NKAIN3: variants seen among roughly 807,000 people sequenced by gnomAD.
NKAIN3 encodes sodium/potassium transporting ATPase interacting 3, also known as sodium/potassium-transporting ATPase subunit beta-1-interacting protein 3.
Under a neutral mutation model 30.2 loss-of-function variants are expected in NKAIN3, and 25 were observed. The observed-to-expected ratio is 0.83, with a 90% CI of 0.60 to 1.16. The LOEUF is 1.16. Ranked by LOEUF, NKAIN3 falls within the 50% of genes most tolerant of loss-of-function variation. The pLI is 0.00. For missense variants in NKAIN3, 225 were observed against 254.1 expected (o/e 0.89, Z 0.78); for synonymous variants, 91 against 89.6 (o/e 1.02, Z -0.09).
chr8:62,820,244 G>A (rs1818809983), intron 4 of NKAIN3, among the ~76,000 whole-genome samples: 1 of 152,132 alleles, frequency 6.6e-6, no homozygotes, highest in African/African-American at 2.4e-5. Context: ...ATGGAGTATG[G>A]AATAAAGGAA....
intron 1 of NKAIN3, among the ~76,000 whole-genome samples, chr8:62,371,054 G>T (rs1173030732): frequency 1.3e-5 from 2 of 151,854 alleles, no homozygotes; most frequent in East Asian, 1.9e-4. Flanking sequence ...TTACCCTTCT[G>T]TTGCTTTATT....
chr8:62,614,070 A>C (rs940434343), intron 3 of NKAIN3, among the ~76,000 whole-genome samples: 14 of 152,030 alleles, frequency 9.2e-5, no homozygotes, highest in African/African-American at 2.7e-4. Context: ...GATGGTGTTG[A>C]TGCTAGTAGA....
At chr8:62,356,238 A>C (rs1381595724) in intron 1 of NKAIN3, among the ~76,000 whole-genome samples, 1 of 152,170 alleles carries the variant, frequency 6.6e-6, no homozygotes, top group Non-Finnish European at 1.5e-5. Flanking sequence ...CTAAGAGATG[A>C]TCCTCACCTG....
intron 4 of NKAIN3, among the ~76,000 whole-genome samples, chr8:62,811,537 T>C (rs1391772688): frequency 1.3e-5 from 2 of 152,062 alleles, no homozygotes; most frequent in Non-Finnish European, 2.9e-5. Context: ...CATTTTTCAT[T>C]ATTGTCATTA....
intron 4 of NKAIN3, chr8:62,863,159 T>C: frequency 6.6e-7 from 1 of 1,513,356 alleles, no homozygotes; most frequent in Non-Finnish European, 9.1e-7. Flanking sequence ...ATTATTTTCC[T>C]TTCGGCTTCT....
chr8:62,387,132 C>T (rs1001453875), intron 1 of NKAIN3, among the ~76,000 whole-genome samples: 1 of 152,022 alleles, frequency 6.6e-6, no homozygotes, highest in African/African-American at 2.4e-5. Context: ...TGTCATACAA[C>T]AGGAAATGGT....
chr8:62,406,164 C>T lies in NKAIN3; in HGVS notation c.54+157037C>T, dbSNP rs1049116070. On this transcript the variant is annotated intron_variant, in intron 1 of 6. Transcript: ENST00000623646. ...TAGTGTCTATCCTCAGTGCCTAACACGTGGCTGAGTACATACAAGGTATTC... is the reference window on the plus strand; with the variant it reads ...TAGTGTCTATCCTCAGTGCCTAACATGTGGCTGAGTACATACAAGGTATTC... Among the ~76,000 whole-genome samples, 9 of 152,162 alleles carry T rather than the reference C, an allele frequency of 5.9e-5. No individual in the cohort carries two copies. In the South Asian group the frequency reaches 1.0e-3, roughly 18 times the overall value.
intron 1 of NKAIN3, among the ~76,000 whole-genome samples, chr8:62,314,128 A>T (rs1312875576): frequency 1.3e-5 from 2 of 152,166 alleles, no homozygotes; most frequent in Non-Finnish European, 2.9e-5. Context: ...TCAGAATAAG[A>T]TCATATGTTT....
chr8:62,386,047 G>A lies in NKAIN3; in HGVS notation c.54+136920G>A, dbSNP rs189080488. Among the ~76,000 whole-genome samples, 71 of 152,256 alleles carry A rather than the reference G, an allele frequency of 4.7e-4. No individual in the cohort carries two copies. The East Asian group carries it at 8.1e-3, about 17-fold the overall frequency. On this transcript the variant is annotated intron_variant, in intron 1 of 6. Coordinates refer to ENST00000623646, the MANE Select transcript of NKAIN3 (RefSeq NM_001304533.3). ...ATGGTGGTCTCAGTGTTCTCAAAGCGCTGGGTACAAAAGTACTTGTGTACT... is the reference window on the plus strand; with the variant it reads ...ATGGTGGTCTCAGTGTTCTCAAAGCACTGGGTACAAAAGTACTTGTGTACT...
intron 2 of NKAIN3, among the ~76,000 whole-genome samples, chr8:62,586,340 T>C (rs1446459143): frequency 6.6e-6 from 1 of 152,234 alleles, no homozygotes; most frequent in East Asian, 1.9e-4. Flanking sequence ...TTTGTTTGCT[T>C]TCCTTTTGCC....
chr8:62,407,468 G>A (rs547054667), intron 1 of NKAIN3, among the ~76,000 whole-genome samples: 5 of 139,986 alleles, frequency 3.6e-5, no homozygotes, highest in South Asian at 2.3e-4. Context: ...CATGATGTCC[G>A]CTCACTGCAA....
At chr8:62,400,291 GC>G (rs994450208) in intron 1 of NKAIN3, among the ~76,000 whole-genome samples, 3 of 146,002 alleles carry the variant, frequency 2.1e-5, no homozygotes, top group Admixed American at 7.0e-5. Flanking sequence ...TCAGCCACCC[GC>G]CCCCCAGTAG....
In NKAIN3 at chr8:62,965,239, C is replaced by T; in HGVS notation, c.604-115C>T. 7 of 919,462 alleles carry T rather than the reference C, an allele frequency of 7.6e-6. No homozygotes were observed. The South Asian group carries it at 3.5e-4, about 46-fold the overall frequency. 57.0% of individuals were successfully genotyped at this position (919,462 alleles called of 1,614,324 possible). On this transcript the variant is annotated intron_variant, in intron 6 of 6. Coordinates refer to ENST00000623646, the MANE Select transcript of NKAIN3 (RefSeq NM_001304533.3). Reference sequence around the variant, plus strand: ...TAACTTTCTTATTGCTACAGTCAGACAGCACCAGGTGCACCCAGGAGCTAT... The same window carrying T: ...TAACTTTCTTATTGCTACAGTCAGATAGCACCAGGTGCACCCAGGAGCTAT...
chr8:62,707,529 A>C (rs996929873), intron 3 of NKAIN3, among the ~76,000 whole-genome samples: 1 of 152,044 alleles, frequency 6.6e-6, no homozygotes, highest in Non-Finnish European at 1.5e-5. Flanking sequence ...ATATCTTTTG[A>C]GAATTGTCTA....
chr8:62,619,012 T>A (rs1586015613), intron 3 of NKAIN3, among the ~76,000 whole-genome samples: 1 of 152,240 alleles, frequency 6.6e-6, no homozygotes, highest in South Asian at 2.1e-4. Flanking sequence ...TGCTGTTGGG[T>A]TAAGCATTCT....
intron 1 of NKAIN3, among the ~76,000 whole-genome samples, chr8:62,487,335 G>A (rs771650440): frequency 4.6e-5 from 7 of 152,146 alleles, no homozygotes; most frequent in Admixed American, 6.5e-5. Flanking sequence ...TCAGAATTAT[G>A]AGGTTCACTC....
At chr8:62,897,095 G>A (rs1376165146) in intron 4 of NKAIN3, among the ~76,000 whole-genome samples, 1 of 152,112 alleles carries the variant, frequency 6.6e-6, no homozygotes, top group Non-Finnish European at 1.5e-5. Flanking sequence ...AAACTCAATA[G>A]AGCAACAGAA....
rs564925333 is a variant in NKAIN3 at position 62,825,414 on chromosome 8, T to G, written c.471+78285T>G. 1.2e-4 allele frequency among the ~76,000 whole-genome samples: 18 copies of G among 152,346 alleles called. No homozygotes were observed. In the South Asian group the frequency reaches 3.5e-3, roughly 30 times the overall value. On this transcript the variant is annotated intron_variant, in intron 4 of 6. Coordinates refer to ENST00000623646, the MANE Select transcript of NKAIN3 (RefSeq NM_001304533.3). ...GGAGAAACTGAAAATATTGAAAATG[T>G]TTTTGTTCTCTCTAATCTTTATAGT...
chr8:62,401,200 A>T (rs546980902), intron 1 of NKAIN3, among the ~76,000 whole-genome samples: 1 of 151,960 alleles, frequency 6.6e-6, no homozygotes, highest in African/African-American at 2.4e-5. Context: ...TGCTTGATCA[A>T]TGCTGCTATT....
Sources: allele counts gnomAD v4.1 joint callset (sites outside exome capture counted in the v4.1 genomes callset), GRCh38; gene constraint gnomAD v4.1.1; transcripts MANE v1.5; gene names NCBI Gene and HGNC (gene_info 2026-07-23, HGNC 2026-07-21).